ERC2: variants seen among roughly 807,000 people sequenced by gnomAD.
ERC2 encodes ERC protein 2.
In ERC2, 42 loss-of-function variants were observed where a neutral mutation model predicts 114.8. That is an observed-to-expected ratio of 0.37 (90% CI 0.29 to 0.47). The LOEUF (loss-of-function observed/expected upper bound fraction) is 0.47, where lower values mean the gene tolerates loss of function less well. Ranked by LOEUF, ERC2 falls within the 20% of genes least tolerant of loss-of-function variation. The pLI is 0.99. For synonymous variants in ERC2, 454 were observed against 425.5 expected, an observed-to-expected ratio of 1.07 and a Z score of -0.82; for missense variants, 939 against 1,150.7, an observed-to-expected ratio of 0.82 and a Z score of 2.66.
chr3:55,965,803 C>T (rs1004211623), intron 12 of ERC2, among the ~76,000 whole-genome samples: 4 of 152,168 alleles, frequency 2.6e-5, no homozygotes, highest in Admixed American at 6.6e-5. Flanking sequence ...GTAACTCAAA[C>T]CTCTTCTCTT....
At chr3:56,209,009 A>T (rs1474021146) in intron 3 of ERC2, among the ~76,000 whole-genome samples, 1 of 152,130 alleles carries the variant, frequency 6.6e-6, no homozygotes, top group Non-Finnish European at 1.5e-5. Context: ...TCTACAGTAT[A>T]GACATAGTCA....
At chr3:56,026,339 C>T (rs528384946) in intron 7 of ERC2, among the ~76,000 whole-genome samples, 6 of 152,268 alleles carry the variant, frequency 3.9e-5, no homozygotes, top group South Asian at 2.1e-4. Context: ...CATGGGCTGC[C>T]GCAACCAGCC....
At position 55,870,927 on chromosome 3, in the gene ERC2, GC is replaced by G. The variant is rs148865716; in HGVS notation, c.2564+17461del. 3.4e-3 allele frequency among the ~76,000 whole-genome samples: 513 copies of G among 152,272 alleles called. 1 individual carries two copies. The highest frequency in any genetic ancestry group is 6.1e-3 in the Non-Finnish European group (414 of 68,016). On this transcript the variant is annotated intron_variant, in intron 14 of 17. Coordinates refer to ENST00000288221, the MANE Select transcript of ERC2 (RefSeq NM_015576.3). ...CCTTCTCTCCCTAGCTTCCATTGCAGCCAGGGCTAGAATGCTGCTCAAGTTC... is the reference window on the plus strand; with the variant it reads ...CCTTCTCTCCCTAGCTTCCATTGCAGCAGGGCTAGAATGCTGCTCAAGTTC...
intron 13 of ERC2, among the ~76,000 whole-genome samples, chr3:55,892,459 A>G (rs2063656349): frequency 6.6e-6 from 1 of 152,130 alleles, no homozygotes; most frequent in Admixed American, 6.5e-5. Flanking sequence ...GGAAGCCAAA[A>G]CTGTAATGAG....
At chr3:56,153,531 T>C (rs2081541827) in intron 4 of ERC2, among the ~76,000 whole-genome samples, 1 of 152,142 alleles carries the variant, frequency 6.6e-6, no homozygotes, top group Non-Finnish European at 1.5e-5. Flanking sequence ...TAGAAAAACA[T>C]GAATCTAGTT....
intron 14 of ERC2, among the ~76,000 whole-genome samples, chr3:55,842,049 G>A (rs563266752): frequency 1.3e-5 from 2 of 152,264 alleles, no homozygotes; most frequent in Admixed American, 6.5e-5. Flanking sequence ...CAACTGTTGC[G>A]TGAATGAATG....
At chr3:55,597,550 G>A (rs1011878728) in intron 17 of ERC2, among the ~76,000 whole-genome samples, 9 of 151,930 alleles carry the variant, frequency 5.9e-5, no homozygotes, top group Non-Finnish European at 1.2e-4. Flanking sequence ...AAATCTTCTC[G>A]GGTCACCTTA....
At chr3:56,349,235 G>A (rs1360525841) in intron 2 of ERC2, among the ~76,000 whole-genome samples, 1 of 152,104 alleles carries the variant, frequency 6.6e-6, no homozygotes, top group Non-Finnish European at 1.5e-5. Flanking sequence ...TGGTGACAAC[G>A]AAATTAGGGC....
At chr3:56,107,761 A>G (rs9827365) in intron 6 of ERC2, among the ~76,000 whole-genome samples, 26,142 of 152,200 alleles carry the variant, frequency 0.17, 2,457 homozygotes, top group African/African-American at 0.23. Context: ...AAGTAAGGGA[A>G]AAATGTGAGA....
Position 55,950,417 on chromosome 3 carries a change from G to C in ERC2, c.2403+8C>G, listed in dbSNP as rs762383079. On this transcript the variant is annotated splice_region_variant and intron_variant, in intron 13 of 17. Transcript: ENST00000288221. Reference sequence around the variant, plus strand: ...ATTTAGCGATTAAGAAGAGAAGCCTGTGCTTACCTGCAAATGCTGTGAGTT... The same window carrying C: ...ATTTAGCGATTAAGAAGAGAAGCCTCTGCTTACCTGCAAATGCTGTGAGTT... The C allele has an allele frequency of 2.5e-6, 4 of 1,613,850 alleles. No homozygotes were observed. The African/African-American group carries it at 5.3e-5, about 22-fold the overall frequency.
chr3:56,425,748 G>C (rs1374619695), intron 2 of ERC2, among the ~76,000 whole-genome samples: 1 of 152,068 alleles, frequency 6.6e-6, no homozygotes, highest in African/African-American at 2.4e-5. Context: ...ATCAGGACTG[G>C]CAATTACTAT....
intron 14 of ERC2, among the ~76,000 whole-genome samples, chr3:55,817,654 T>G (rs2059956662): frequency 6.6e-6 from 1 of 152,190 alleles, no homozygotes; most frequent in Non-Finnish European, 1.5e-5. Context: ...CAAAAGAACT[T>G]CTGAATTCAC....
intron 17 of ERC2, among the ~76,000 whole-genome samples, chr3:55,681,868 T>C (rs2062070666): frequency 6.6e-6 from 1 of 152,214 alleles, no homozygotes; most frequent in African/African-American, 2.4e-5. Context: ...ACACTGTTCA[T>C]ATCTCAGGGT....
At chr3:55,520,289 A>G (rs1049727810) in intron 17 of ERC2, among the ~76,000 whole-genome samples, 1 of 151,836 alleles carries the variant, frequency 6.6e-6, no homozygotes, top group Admixed American at 6.6e-5. Context: ...TAAAAAAATT[A>G]GCCGGGCATG....
chr3:55,618,615 T>A (rs1488436154), intron 17 of ERC2, among the ~76,000 whole-genome samples: 1 of 152,178 alleles, frequency 6.6e-6, no homozygotes, highest in Non-Finnish European at 1.5e-5. Flanking sequence ...TATAATATAA[T>A]CCCATTCTTT....
chr3:56,298,292 A>G (rs1204792728), intron 2 of ERC2, among the ~76,000 whole-genome samples: 2 of 152,192 alleles, frequency 1.3e-5, no homozygotes, highest in African/African-American at 4.8e-5. Context: ...TTCACTTAGC[A>G]TGTTTCCAAG....
intron 2 of ERC2, among the ~76,000 whole-genome samples, chr3:56,305,470 G>A (rs2056157245): frequency 6.7e-6 from 1 of 148,890 alleles, no homozygotes; most frequent in South Asian, 2.1e-4. Flanking sequence ...TGAGCCATAT[G>A]GAAGCCACAA....
chr3:55,737,666 G>A (rs1232159412), intron 14 of ERC2, among the ~76,000 whole-genome samples: 1 of 152,158 alleles, frequency 6.6e-6, no homozygotes, highest in African/African-American at 2.4e-5. Flanking sequence ...ACAGACATAT[G>A]CAGGTATTTA....
intron 3 of ERC2, among the ~76,000 whole-genome samples, chr3:56,263,550 A>G (rs1311255618): frequency 6.6e-6 from 1 of 152,150 alleles, no homozygotes; most frequent in Non-Finnish European, 1.5e-5. Context: ...ATATGCCAAC[A>G]AATTGGATAA....
Sources: allele counts gnomAD v4.1 joint callset (sites outside exome capture counted in the v4.1 genomes callset), GRCh38; gene constraint gnomAD v4.1.1; transcripts MANE v1.5; gene names NCBI Gene and HGNC (gene_info 2026-07-23, HGNC 2026-07-21).